FBLN7: variants seen among roughly 807,000 people sequenced by gnomAD.
The protein encoded by FBLN7 is fibulin-7.
A neutral mutation model predicts 44.0 loss-of-function variants in FBLN7; 31 were observed. The ratio of observed to expected loss-of-function variants is 0.70; its 90% confidence interval spans 0.53 to 0.95. The LOEUF is 0.95. FBLN7 is among the 40% of genes least tolerant of loss of function. The pLI is 0.00. For synonymous variants in FBLN7, 262 were observed against 253.4 expected, an observed-to-expected ratio of 1.03 and a Z score of -0.32; for missense variants, 573 against 618.5, an observed-to-expected ratio of 0.93 and a Z score of 0.78.
chr2:112,230,907 T>C, the FBLN7 span: 8 of 1,288,356 alleles, frequency 6.2e-6, no homozygotes, highest in Non-Finnish European at 8.1e-6. Context: ...TTTTACCTTT[T>C]TATGTCTATT....
the FBLN7 span, among the ~76,000 whole-genome samples, chr2:112,224,107 C>T: frequency 2.4e-4 from 37 of 152,250 alleles, 1 homozygote; most frequent in South Asian, 7.1e-3. Context: ...AATGCCACTG[C>T]ACTCCAGCTT....
At chr2:112,144,180 C>T (rs1373875254) in intron 1 of FBLN7, among the ~76,000 whole-genome samples, 4 of 152,134 alleles carry the variant, frequency 2.6e-5, no homozygotes, top group South Asian at 2.1e-4. Flanking sequence ...CTCTCCTACG[C>T]GTGATATTAA....
the FBLN7 span, among the ~76,000 whole-genome samples, chr2:112,239,687 C>G: frequency 1.3e-5 from 2 of 148,234 alleles, no homozygotes; most frequent in Non-Finnish European, 3.0e-5. Flanking sequence ...CAGGCTCAAG[C>G]GATTCCCTTG....
At chr2:112,233,787 T>C in the FBLN7 span, among the ~76,000 whole-genome samples, 1 of 152,082 alleles carries the variant, frequency 6.6e-6, no homozygotes, top group East Asian at 1.9e-4. Context: ...GAGAATGGCA[T>C]GAACCCAGGA....
chr2:112,179,436 A>C (rs1395394276), intron 4 of FBLN7, among the ~76,000 whole-genome samples: 1 of 152,232 alleles, frequency 6.6e-6, no homozygotes, highest in African/African-American at 2.4e-5. Flanking sequence ...TTACAGATTC[A>C]ATGCTATTCC....
intron 6 of FBLN7, among the ~76,000 whole-genome samples, chr2:112,184,108 T>C (rs765759080): frequency 1.3e-5 from 2 of 152,150 alleles, no homozygotes; most frequent in Non-Finnish European, 2.9e-5. Flanking sequence ...TAAACCACCA[T>C]GCTGCAGTGG....
At chr2:112,203,625 A>G in the FBLN7 span, among the ~76,000 whole-genome samples, 4 of 152,322 alleles carry the variant, frequency 2.6e-5, no homozygotes, top group South Asian at 6.2e-4. Flanking sequence ...CAGTCAATAC[A>G]CACTATCCCT....
the FBLN7 span, among the ~76,000 whole-genome samples, chr2:112,236,298 G>C: frequency 6.6e-6 from 1 of 152,122 alleles, no homozygotes; most frequent in African/African-American, 2.4e-5. Flanking sequence ...CAAGGAGCTT[G>C]TGTGCATATA....
At chr2:112,150,993 T>C (rs1681131133) in intron 1 of FBLN7, among the ~76,000 whole-genome samples, 1 of 152,092 alleles carries the variant, frequency 6.6e-6, no homozygotes, top group African/African-American at 2.4e-5. Flanking sequence ...TAGGGAACTC[T>C]CTAAGGAGGG....
At chr2:112,238,497 G>T in the FBLN7 span, 2 of 1,611,268 alleles carry the variant, frequency 1.2e-6, no homozygotes, top group African/African-American at 1.3e-5. Flanking sequence ...TCTATGCAGC[G>T]AACTTTTTGG....
chr2:112,239,637 T>C, the FBLN7 span, among the ~76,000 whole-genome samples: 1 of 140,658 alleles, frequency 7.1e-6, no homozygotes, highest in Middle Eastern at 3.9e-3. Context: ...CAGGCTGGAG[T>C]GCAGTGGCAC....
At chr2:112,188,853 C>A (rs1225659845), downstream of FBLN7, 2 of 152,238 alleles carry the variant, frequency 1.3e-5, no homozygotes, top group East Asian at 3.8e-4. Flanking sequence ...CAGCTGCGAT[C>A]TCTAACAACA....
the FBLN7 span, among the ~76,000 whole-genome samples, chr2:112,209,658 T>C: frequency 2.0e-5 from 3 of 151,506 alleles, no homozygotes; most frequent in Non-Finnish European, 4.4e-5. Context: ...CTGAGCAGGG[T>C]GAGGAAAATG....
At chr2:112,212,988 T>TTTTTTC in the FBLN7 span, 5 of 115,644 alleles carry the variant, frequency 4.3e-5, no homozygotes, top group African/African-American at 1.7e-4. Context: ...TTTTTTTTTT[T>TTTTTTC]ATAAGAGACA....
chr2:112,153,069 G>A (rs935241334), intron 1 of FBLN7: 4 of 152,164 alleles, frequency 2.6e-5, no homozygotes, highest in Non-Finnish European at 4.4e-5. Flanking sequence ...TCCTCCAGAA[G>A]CACCCACTTT....
At chr2:112,213,451 T>C in the FBLN7 span, 73 of 152,078 alleles carry the variant, frequency 4.8e-4, no homozygotes, top group African/African-American at 1.7e-3. Flanking sequence ...AAAGGCTATA[T>C]ACTTGACCTA....
At chr2:112,141,720 C>T (rs557942097) in intron 1 of FBLN7, among the ~76,000 whole-genome samples, 1 of 152,316 alleles carries the variant, frequency 6.6e-6, no homozygotes, top group African/African-American at 2.4e-5. Flanking sequence ...AAGGAGGCAG[C>T]GTGGACAGGA....
the FBLN7 span, among the ~76,000 whole-genome samples, chr2:112,243,416 G>C: frequency 2.0e-5 from 3 of 152,102 alleles, no homozygotes; most frequent in Admixed American, 6.5e-5. Flanking sequence ...TCATATTCTG[G>C]TGAACTGATA....
the FBLN7 span, chr2:112,233,273 A>G: frequency 6.3e-7 from 1 of 1,580,128 alleles, no homozygotes; most frequent in Non-Finnish European, 8.6e-7. Context: ...GCAAATACAG[A>G]CAGTTTTCAC....
Sources: gnomAD v4.1 joint callset for allele counts (sites outside exome capture counted in the v4.1 genomes callset) on GRCh38, gnomAD v4.1.1 for gene constraint, MANE v1.5 for transcripts, NCBI Gene and HGNC (gene_info 2026-07-23, HGNC 2026-07-21) for gene names.